CTNNA1: variants seen among roughly 807,000 people sequenced by gnomAD.
CTNNA1 encodes catenin alpha-1.
In CTNNA1, 37 loss-of-function variants were observed where a neutral mutation model predicts 98.4. The observed-to-expected ratio is 0.38, with a 90% confidence interval of 0.29 to 0.49. The LOEUF (loss-of-function observed/expected upper bound fraction) is 0.49, where lower values mean the gene tolerates loss of function less well. CTNNA1 is among the 20% of genes least tolerant of loss of function. The pLI is 0.95. For synonymous variants in CTNNA1, 404 were observed against 413.2 expected, an observed-to-expected ratio of 0.98 and a Z score of 0.27; for missense variants, 761 against 1,147.2, an observed-to-expected ratio of 0.66 and a Z score of 4.86.
intron 1 of CTNNA1, 30 bp downstream of exon 1, chr5:138,753,540 C>T (rs1751232477): frequency 2.7e-6 from 1 of 374,084 alleles, no homozygotes; most frequent in African/African-American, 2.1e-5. Context: ...CTCGCGGGCG[C>T]GGTCTCTCGG....
In CTNNA1 at chr5:138,775,397, C is replaced by T. The variant is rs541627498; in HGVS notation, c.-2-6526C>T. Among the ~76,000 whole-genome samples, 9 of 152,274 alleles carry T rather than the reference C, an allele frequency of 5.9e-5. 1 individual carries two copies. Among genetic ancestry groups the T allele is most frequent in the African/African-American group, 1.7e-4 (7 of 41,552 alleles). On this transcript the variant is annotated intron_variant, in intron 1 of 17. Transcript: ENST00000302763. ...AAACCAAAGTGTAGGCCTGACGTCA[C>T]ATGAATGTAGACAGCAAATTCATCT... is the stretch of plus-strand genomic sequence containing the variant.
chr5:138,758,829 T>C (rs1752007260), intron 1 of CTNNA1, among the ~76,000 whole-genome samples: 1 of 151,910 alleles, frequency 6.6e-6, no homozygotes, highest in South Asian at 2.1e-4. Flanking sequence ...TTTTTTGAGA[T>C]GGAGTTTTGC....
At chr5:138,858,966 A>G (rs929767718) in intron 7 of CTNNA1, among the ~76,000 whole-genome samples, 9 of 152,094 alleles carry the variant, frequency 5.9e-5, no homozygotes, top group Non-Finnish European at 1.3e-4. Flanking sequence ...TGCTTTTCTG[A>G]TTGTTCGTGA....
intron 5 of CTNNA1, among the ~76,000 whole-genome samples, chr5:138,823,741 A>G (rs2149772012): frequency 6.6e-6 from 1 of 152,044 alleles, no homozygotes; most frequent in East Asian, 1.9e-4. Context: ...GCGGATCACG[A>G]GGTCAGGAGA....
intron 3 of CTNNA1, among the ~76,000 whole-genome samples, chr5:138,805,874 A>C (rs1484024271): frequency 1.3e-5 from 2 of 150,524 alleles, no homozygotes; most frequent in East Asian, 1.9e-4. Flanking sequence ...TGTTCTTTGA[A>C]GCACAAAATT....
At position 138,873,021 on chromosome 5, in the gene CTNNA1, AT is replaced by A. The variant is rs768252934; in HGVS notation, c.1063-13189del. The A allele has an allele frequency of 6.2e-7, 1 of 1,604,760 alleles. No individual in the cohort carries two copies. The highest frequency in any genetic ancestry group is 8.5e-7 in the Non-Finnish European group (1 of 1,174,942). On this transcript the variant is annotated intron_variant, in intron 7 of 17. Coordinates refer to ENST00000302763, the MANE Select transcript of CTNNA1 (RefSeq NM_001903.5). The surrounding 1 kb of genome is among the most constrained non-coding windows in gnomAD (Gnocchi z 6.1). ...ATGATGGGTAGATATTATACTTCAC[AT>A]TCTTTGTATGGCAGCTGCTGACACT...
At chr5:138,893,865 T>G (rs182324886) in intron 9 of CTNNA1, among the ~76,000 whole-genome samples, 1,695 of 151,134 alleles carry the variant, frequency 0.011, 26 homozygotes, top group African/African-American at 0.039. Flanking sequence ...CTTGTGATCT[T>G]CCCACCTCGG....
intron 10 of CTNNA1, chr5:138,904,711 C>G (rs1410587385): frequency 1.2e-5 from 4 of 328,330 alleles, no homozygotes; most frequent in African/African-American, 6.3e-5. Context: ...AATCGCAGCA[C>G]TTTGGGATCC....
At chr5:138,902,607 G>A (rs1435948548) in intron 9 of CTNNA1, among the ~76,000 whole-genome samples, 2 of 152,170 alleles carry the variant, frequency 1.3e-5, no homozygotes, top group Non-Finnish European at 2.9e-5. Flanking sequence ...TTTTAGTAGA[G>A]ACGGGGTTTC....
intron 10 of CTNNA1, among the ~76,000 whole-genome samples, chr5:138,910,710 C>CT (rs1040374854): frequency 7.9e-5 from 12 of 152,026 alleles, no homozygotes; most frequent in African/African-American, 2.9e-4. Flanking sequence ...GATGTATAAA[C>CT]AAAGACCTGA....
intron 16 of CTNNA1, chr5:138,932,095 T>C (rs537604530): frequency 1.2e-5 from 12 of 986,332 alleles, no homozygotes; most frequent in African/African-American, 8.7e-5. Flanking sequence ...GAGTGGCTTT[T>C]GTCATCAGGC....
intron 7 of CTNNA1, among the ~76,000 whole-genome samples, chr5:138,830,606 G>T (rs61092453): frequency 6.6e-6 from 1 of 152,332 alleles, no homozygotes; most frequent in African/African-American, 2.4e-5. Context: ...AGAAGCAACT[G>T]GGGATAGATT....
chr5:138,904,290 G>GT, intron 9 of CTNNA1, 59 bp from the exon 10 acceptor site: 1 of 1,555,524 alleles, frequency 6.4e-7, no homozygotes, highest in East Asian at 2.4e-5. Context: ...CCAGGTGTGT[G>GT]TTTTTTCCTT....
intron 9 of CTNNA1, among the ~76,000 whole-genome samples, chr5:138,895,204 C>CGTTGA (rs1021183194): frequency 6.6e-6 from 1 of 152,182 alleles, no homozygotes; most frequent in Non-Finnish European, 1.5e-5. Context: ...AGGTGCTCAA[C>CGTTGA]ATTCAGATTC....
chr5:138,812,411 A>T, intron 5 of CTNNA1, 109 bp downstream of exon 5: 1 of 1,207,876 alleles, frequency 8.3e-7, no homozygotes, highest in Non-Finnish European at 1.1e-6. Context: ...TCGCCAATAT[A>T]GTTCCATTAA....
At chr5:138,815,041 C>G (rs1025335931) in intron 5 of CTNNA1, among the ~76,000 whole-genome samples, 2 of 152,172 alleles carry the variant, frequency 1.3e-5, no homozygotes, top group African/African-American at 4.8e-5. Context: ...CATGAGCCAC[C>G]ACACTCTGTC....
chr5:138,910,661 A>G (rs898859935), intron 10 of CTNNA1, among the ~76,000 whole-genome samples: 15 of 152,112 alleles, frequency 9.9e-5, no homozygotes, highest in African/African-American at 3.4e-4. Flanking sequence ...GATGTGTTAA[A>G]TATGGTTAGG....
rs538205408 is a variant in CTNNA1, at chr5:138,836,913, A to G, written c.1062+9195A>G. 2.6e-5 allele frequency among the ~76,000 whole-genome samples: 4 copies of G among 152,368 alleles called. No individual in the cohort carries two copies. In the South Asian group the frequency reaches 8.3e-4, roughly 32 times the overall value. The stretch of plus-strand genomic sequence containing the variant: ...TTGATATTTTTTCCCACATTTAAAA[A>G]AAGTTTTTTATGTTGTTAATGTCAC... On this transcript the variant is annotated intron_variant, in intron 7 of 17. Transcript: ENST00000302763.
At chr5:138,885,267 A>G (rs1456168305) in intron 7 of CTNNA1, among the ~76,000 whole-genome samples, 1 of 152,182 alleles carries the variant, frequency 6.6e-6, no homozygotes, top group Non-Finnish European at 1.5e-5. Flanking sequence ...AAATGTCTTG[A>G]GGGCATCCAA....
Sources: gnomAD v4.1 joint callset for allele counts (sites outside exome capture counted in the v4.1 genomes callset) on GRCh38, gnomAD v4.1.1 for gene constraint, Gnocchi (gnomAD v3.1) non-coding constraint, MANE v1.5 for transcripts, NCBI Gene and HGNC (gene_info 2026-07-23, HGNC 2026-07-21) for gene names.